LARP4B: variants seen among roughly 807,000 people sequenced by gnomAD.
LARP4B encodes the protein la-related protein 4B.
In LARP4B, 12 loss-of-function variants were observed where a neutral mutation model predicts 89.8. The observed-to-expected ratio is 0.13, with a 90% CI of 0.09 to 0.22. The LOEUF is 0.22. Ranked by LOEUF, LARP4B falls within the 10% of genes least tolerant of loss-of-function variation. The probability of loss-of-function intolerance (pLI) is 1.00; values close to 1 mark genes in which losing one functional copy is unlikely to be tolerated. For missense variants in LARP4B, 757 were observed against 947.7 expected, an observed-to-expected ratio of 0.80 and a Z score of 2.64; for synonymous variants, 367 against 363.3, an observed-to-expected ratio of 1.01 and a Z score of -0.12.
chr10:977,576 C>A, the LARP4B span, among the ~76,000 whole-genome samples: 6 of 151,814 alleles, frequency 4.0e-5, no homozygotes, highest in South Asian at 1.2e-3. Context: ...AGAGAGAGAT[C>A]CTCCCGCTTC....
rs1300956780 is a variant in LARP4B, at chr10:814,172, A to T, written c.1929+570T>A. Among the ~76,000 whole-genome samples, 1 of 152,046 alleles carries T rather than the reference A, an allele frequency of 6.6e-6. No individual in the cohort carries two copies. The highest frequency in any genetic ancestry group is 2.4e-5 in the African/African-American group (1 of 41,394). On this transcript the variant is annotated intron_variant, in intron 17 of 17. Coordinates refer to ENST00000316157, the MANE Select transcript of LARP4B (RefSeq NM_015155.3). The surrounding 1 kb of genome is among the most constrained non-coding windows in gnomAD (Gnocchi z 4.4). ...CTATAAAAAATCCTTTTTTAGACTC[A>T]GCCCAGGGGACAGTAAGGGATTAAA...
At chr10:871,911 T>C (rs566892547) in intron 3 of LARP4B, among the ~76,000 whole-genome samples, 3 of 152,326 alleles carry the variant, frequency 2.0e-5, no homozygotes, top group African/African-American at 7.2e-5. Context: ...ACAACAACTG[T>C]TACCACCTCC....
At position 822,476 on chromosome 10, in the gene LARP4B, C is replaced by T. The variant is rs1255103638; in HGVS notation, c.1485-1631G>A. On this transcript the variant is annotated intron_variant, in intron 13 of 17. Transcript: ENST00000316157. The surrounding 1 kb of genome is among the most constrained non-coding windows in gnomAD (Gnocchi z 4.6). ...ACCTGCCTGCCATGGGGTCCTATCC[C>T]AGTCACCATCAGTGGGCCCAGCCAA... Among the ~76,000 whole-genome samples the T allele has an allele frequency of 6.6e-6, 1 of 152,198 alleles. No individual in the cohort carries two copies. Among genetic ancestry groups the T allele is most frequent in the African/African-American group, 2.4e-5 (1 of 41,442 alleles).
intron 3 of LARP4B, among the ~76,000 whole-genome samples, chr10:865,147 T>C (rs12267441): frequency 6.0e-4 from 92 of 152,322 alleles, no homozygotes; most frequent in African/African-American, 2.2e-3. Context: ...CCATTCCCAA[T>C]AGAGCTTCAG....
chr10:937,168 A>G, the LARP4B span, among the ~76,000 whole-genome samples: 2 of 152,092 alleles, frequency 1.3e-5, no homozygotes, highest in Non-Finnish European at 2.9e-5. Context: ...TCAGCTTCCC[A>G]AGTAGCTAGG....
chr10:855,265 C>T (rs11253466), intron 5 of LARP4B, among the ~76,000 whole-genome samples: 279 of 152,284 alleles, frequency 1.8e-3, no homozygotes, highest in African/African-American at 6.6e-3. Context: ...TTTGCATTTA[C>T]AGCTTGGTTA....
intron 3 of LARP4B, among the ~76,000 whole-genome samples, chr10:876,625 G>A (rs182854081): frequency 6.6e-6 from 1 of 152,304 alleles, no homozygotes; most frequent in Admixed American, 6.5e-5. Context: ...CCCAGCAGCT[G>A]TCAGGGGTTG....
chr10:961,139 A>T, the LARP4B span, among the ~76,000 whole-genome samples: 1 of 152,232 alleles, frequency 6.6e-6, no homozygotes, highest in Non-Finnish European at 1.5e-5. Flanking sequence ...TTGTCAGTAG[A>T]TCTGCCTTGC....
In LARP4B at chr10:931,478, C is replaced by T. The variant is rs1830606460; in HGVS notation, c.-90G>A. 5 of 148,702 alleles carry T rather than the reference C, an allele frequency of 3.4e-5. No individual in the cohort carries two copies. The highest frequency in any genetic ancestry group is 3.3e-4 in the Admixed American group (5 of 14,948). 9.2% of individuals were successfully genotyped at this position (148,702 alleles called of 1,614,324 possible). On this transcript the variant is annotated 5_prime_UTR_variant, in exon 1 of 18. Transcript: ENST00000316157. ...CCGGCCGCCCGCGGGCTCCTCGCCT[C>T]AACCCCGGGGCCCGGCGGCCGCGCC...
At chr10:892,485 C>T (rs1335195987) in intron 1 of LARP4B, among the ~76,000 whole-genome samples, 2 of 152,016 alleles carry the variant, frequency 1.3e-5, no homozygotes, top group Non-Finnish European at 2.9e-5. Flanking sequence ...AACACCATCT[C>T]AAATAAACAA....
intron 1 of LARP4B, among the ~76,000 whole-genome samples, chr10:892,526 A>G (rs1836061838): frequency 3.3e-5 from 5 of 152,206 alleles, no homozygotes; most frequent in Admixed American, 3.3e-4. Context: ...ATAATGATTT[A>G]GAGAAAAATT....
chr10:809,542 T>C lies in LARP4B; in HGVS notation c.*3384A>G, dbSNP rs1389267052. ...AATTTAAAAAAAATCAAAAGAAAAA[T>C]TGAACAGTGCCTAAATCTTTATTTT... On this transcript the variant is annotated 3_prime_UTR_variant, in exon 18 of 18. Transcript: ENST00000316157. 3 of 152,136 alleles carry C rather than the reference T, an allele frequency of 2.0e-5. No homozygotes were observed. Among genetic ancestry groups the C allele is most frequent in the South Asian group, 2.1e-4 (1 of 4,824 alleles). The allele number at this position is 152,136 out of a possible 1,614,324, so 9.4% of individuals were successfully genotyped here.
chr10:828,241 G>A (rs1016517707), intron 11 of LARP4B, among the ~76,000 whole-genome samples: 6 of 152,096 alleles, frequency 3.9e-5, no homozygotes, highest in African/African-American at 7.2e-5. Flanking sequence ...ATGAATCTAC[G>A]ACCATCTTCT....
intron 5 of LARP4B, among the ~76,000 whole-genome samples, chr10:852,486 T>C (rs1834106034): frequency 6.6e-6 from 1 of 152,224 alleles, no homozygotes; most frequent in Non-Finnish European, 1.5e-5. Context: ...CTCATCAACA[T>C]ATAAAGGGCA....
At chr10:906,010 T>C (rs751949685) in intron 1 of LARP4B, among the ~76,000 whole-genome samples, 20 of 152,212 alleles carry the variant, frequency 1.3e-4, no homozygotes, top group Non-Finnish European at 2.4e-4. Context: ...TCAAAAGAAA[T>C]AGTAAATCAA....
chr10:979,430 G>A, the LARP4B span, among the ~76,000 whole-genome samples: 5 of 152,296 alleles, frequency 3.3e-5, no homozygotes, highest in Middle Eastern at 3.4e-3. Flanking sequence ...GAATTATAAG[G>A]AGGAGAGACT....
At chr10:828,183 C>T (rs1472843103) in intron 11 of LARP4B, among the ~76,000 whole-genome samples, 2 of 152,306 alleles carry the variant, frequency 1.3e-5, no homozygotes, top group African/African-American at 2.4e-5. Flanking sequence ...ACTGCCAGCT[C>T]GTTCCCCAAC....
chr10:909,814 A>AT (rs560448105), intron 1 of LARP4B, among the ~76,000 whole-genome samples: 35 of 150,344 alleles, frequency 2.3e-4, no homozygotes, highest in Non-Finnish European at 4.7e-4. Context: ...AAGTTCCAAG[A>AT]TTTTTTTTTT....
chr10:884,044 C>T (rs1229096388), intron 3 of LARP4B, among the ~76,000 whole-genome samples: 2 of 152,164 alleles, frequency 1.3e-5, no homozygotes, highest in African/African-American at 4.8e-5. Context: ...TCATTAATCA[C>T]AGCTAAAATG....
Sources: allele counts gnomAD v4.1 joint callset (sites outside exome capture counted in the v4.1 genomes callset), GRCh38; gene constraint gnomAD v4.1.1; non-coding constraint Gnocchi (gnomAD v3.1); transcripts MANE v1.5; gene names NCBI Gene and HGNC (gene_info 2026-07-23, HGNC 2026-07-21).